XYLT1: variants seen among roughly 807,000 people sequenced by gnomAD.
XYLT1 encodes the protein xylosyltransferase 1.
Under a neutral mutation model 91.3 loss-of-function variants are expected in XYLT1, and 36 were observed. That is an observed-to-expected ratio of 0.39 (90% confidence interval 0.30 to 0.52). The LOEUF is 0.52. Ranked by LOEUF, XYLT1 falls within the 20% of genes least tolerant of loss-of-function variation. The pLI is 0.68. For synonymous variants in XYLT1, 588 were observed against 532.0 expected (o/e 1.11, Z -1.45); for missense variants, 1,242 against 1,284.5 (o/e 0.97, Z 0.51).
At chr16:17,337,775 CT>C (rs71373106) in intron 2 of XYLT1, among the ~76,000 whole-genome samples, 3 of 114,214 alleles carry the variant, frequency 2.6e-5, no homozygotes, top group African/African-American at 8.4e-5. Flanking sequence ...CACATTTTTT[CT>C]TTTTCTTTTT....
At chr16:17,150,114 T>A (rs2031246609) in intron 6 of XYLT1, among the ~76,000 whole-genome samples, 1 of 152,208 alleles carries the variant, frequency 6.6e-6, no homozygotes, top group Non-Finnish European at 1.5e-5. Context: ...TAGCCATGAT[T>A]GTGGCATGAA....
intron 11 of XYLT1, among the ~76,000 whole-genome samples, chr16:17,109,921 T>C (rs1966830441): frequency 6.6e-6 from 1 of 152,082 alleles, no homozygotes; most frequent in African/African-American, 2.4e-5. Flanking sequence ...CACAGAACAA[T>C]CACTCTGAAA....
At chr16:17,267,556 G>A (rs947151034) in intron 2 of XYLT1, among the ~76,000 whole-genome samples, 6 of 152,162 alleles carry the variant, frequency 3.9e-5, no homozygotes, top group South Asian at 4.1e-4. Flanking sequence ...ACAGGCGCCC[G>A]CCACCAAGCC....
At chr16:17,449,041 G>A (rs2036630630) in intron 1 of XYLT1, among the ~76,000 whole-genome samples, 4 of 152,306 alleles carry the variant, frequency 2.6e-5, no homozygotes, top group Non-Finnish European at 1.5e-5. Flanking sequence ...CACCAACTGA[G>A]ACAAAGAGGG....
chr16:17,226,739 C>T (rs2033073180), intron 3 of XYLT1, among the ~76,000 whole-genome samples: 1 of 152,212 alleles, frequency 6.6e-6, no homozygotes, highest in Non-Finnish European at 1.5e-5. Context: ...GCCGAGATCA[C>T]ACCACTGTAC....
At chr16:17,265,982 C>T (rs930276069) in intron 2 of XYLT1, among the ~76,000 whole-genome samples, 2 of 152,154 alleles carry the variant, frequency 1.3e-5, no homozygotes, top group African/African-American at 4.8e-5. Flanking sequence ...ACTAACCATT[C>T]TGAGTTAGTT....
chr16:17,350,142 G>A (rs2035200670), intron 2 of XYLT1, among the ~76,000 whole-genome samples: 1 of 152,080 alleles, frequency 6.6e-6, no homozygotes, highest in Admixed American at 6.5e-5. Flanking sequence ...CCAAAGTGGT[G>A]GGATTACAGG....
Position 17,276,729 on chromosome 16 carries a change from C to T in XYLT1, c.403-17231G>A, listed in dbSNP as rs543352103. ...CTACCAGGACACGATGGGCACCGTC[C>T]GATGAAGTTGTTATAAATGTATGCC... On this transcript the variant is annotated intron_variant, in intron 2 of 11. Transcript: ENST00000261381. 5.9e-5 allele frequency among the ~76,000 whole-genome samples: 9 copies of T among 152,156 alleles called. No homozygotes were observed. The South Asian group carries it at 1.0e-3, about 18-fold the overall frequency.
chr16:17,376,226 C>T (rs570251734), intron 1 of XYLT1, among the ~76,000 whole-genome samples: 1 of 152,310 alleles, frequency 6.6e-6, no homozygotes, highest in African/African-American at 2.4e-5. Context: ...TGAAAGGGAG[C>T]GTGTACTGGC....
At chr16:17,405,732 C>A (rs28690127) in intron 1 of XYLT1, among the ~76,000 whole-genome samples, 141,766 of 152,290 alleles carry the variant, frequency 0.93, 66,111 homozygotes, top group East Asian at 1. Flanking sequence ...CAAGGTAGGA[C>A]GAGAACCCAG....
intron 10 of XYLT1, among the ~76,000 whole-genome samples, chr16:17,125,365 C>T (rs555916798): frequency 6.6e-6 from 1 of 152,298 alleles, no homozygotes; most frequent in African/African-American, 2.4e-5. Flanking sequence ...CATTTTCCCT[C>T]TATCTTTCCA....
At chr16:17,283,917 T>C (rs17212077) in intron 2 of XYLT1, among the ~76,000 whole-genome samples, 13,922 of 152,262 alleles carry the variant, frequency 0.091, 844 homozygotes, top group Non-Finnish European at 0.14. Context: ...TCTTTCTAAG[T>C]ATCCAGCTGT....
At chr16:17,442,622 T>C (rs887853898) in intron 1 of XYLT1, among the ~76,000 whole-genome samples, 3 of 152,128 alleles carry the variant, frequency 2.0e-5, no homozygotes, top group African/African-American at 7.2e-5. Context: ...CAGCTCTGGA[T>C]TCTCAATGAG....
chr16:17,269,210 GGTCTCATTTTGTTCCCCAGGCT>G (rs2033851646), intron 2 of XYLT1, among the ~76,000 whole-genome samples: 1 of 148,246 alleles, frequency 6.7e-6, no homozygotes, highest in South Asian at 2.1e-4. Flanking sequence ...TTTGAGACAG[GGTCTCATTTTGTTCCCCAGGCT>G]GGAGTACAGT....
chr16:17,152,486 C>A (rs1238381473), intron 6 of XYLT1, among the ~76,000 whole-genome samples: 1 of 152,240 alleles, frequency 6.6e-6, no homozygotes, highest in Non-Finnish European at 1.5e-5. Context: ...AGTCATGGAG[C>A]TACAAGTTAG....
At chr16:17,178,035 A>G (rs1467383398) in intron 5 of XYLT1, among the ~76,000 whole-genome samples, 1 of 152,058 alleles carries the variant, frequency 6.6e-6, no homozygotes, top group Non-Finnish European at 1.5e-5. Flanking sequence ...TACGGTGCTA[A>G]TGAGGACCAG....
chr16:17,257,752 A>G (rs980728206), intron 3 of XYLT1, among the ~76,000 whole-genome samples: 2 of 152,130 alleles, frequency 1.3e-5, no homozygotes, highest in East Asian at 3.9e-4. Flanking sequence ...GGGATTTTAC[A>G]TCTCTCATCT....
In XYLT1 at chr16:17,204,506, A is replaced by G. The variant is rs2032604030; in HGVS notation, c.914-3852T>C. Among the ~76,000 whole-genome samples, 2 of 151,584 alleles carry G rather than the reference A, an allele frequency of 1.3e-5. 1 individual carries two copies. Among genetic ancestry groups the G allele is most frequent in the African/African-American group, 4.8e-5 (2 of 41,270 alleles). On this transcript the variant is annotated intron_variant, in intron 3 of 11. Coordinates refer to ENST00000261381, the MANE Select transcript of XYLT1 (RefSeq NM_022166.4). ...GGGTGGGAAGGAACAAAAATATCTA[A>G]AGAAAGGAGACATGCAGAGAAGGAG...
intron 2 of XYLT1, among the ~76,000 whole-genome samples, chr16:17,344,265 G>C (rs892049227): frequency 6.6e-6 from 1 of 151,170 alleles, no homozygotes; most frequent in East Asian, 2.0e-4. Context: ...GGCGGATCAC[G>C]AGGTCAGGAG....
Sources: allele counts gnomAD v4.1 joint callset (sites outside exome capture counted in the v4.1 genomes callset), GRCh38; gene constraint gnomAD v4.1.1; transcripts MANE v1.5; gene names NCBI Gene and HGNC (gene_info 2026-07-23, HGNC 2026-07-21).